Variants in ANO4 observed in about 807,000 individuals in gnomAD.
ANO4 encodes the protein anoctamin-4.
In ANO4, 69 loss-of-function variants were observed where a neutral mutation model predicts 141.9. That is an observed-to-expected ratio of 0.49 (90% CI 0.40 to 0.59). ANO4 has a LOEUF of 0.59. Among genes scored for constraint, ANO4 ranks in the 20% least tolerant of loss-of-function variants. ANO4 has a pLI of 0.00. For missense variants in ANO4, 894 were observed against 1,162.2 expected (o/e 0.77, Z 3.36); for synonymous variants, 350 against 394.3 (o/e 0.89, Z 1.33).
chr12:100,848,124 TG>T (rs2037670255), intron 1 of ANO4, among the ~76,000 whole-genome samples: 1 of 152,338 alleles, frequency 6.6e-6, no homozygotes, highest in East Asian at 1.9e-4. Context: ...AGATTTCATT[TG>T]TTTTTTTTCT....
chr12:100,909,878 C>T (rs750043512), intron 2 of ANO4, among the ~76,000 whole-genome samples: 12 of 152,042 alleles, frequency 7.9e-5, no homozygotes, highest in Non-Finnish European at 1.6e-4. Context: ...TAATACCTAC[C>T]TTATAGTATT....
chr12:100,800,929 C>T (rs75112059), intron 1 of ANO4, among the ~76,000 whole-genome samples: 11,065 of 152,304 alleles, frequency 0.073, 623 homozygotes, highest in South Asian at 0.2. Flanking sequence ...GCTATTTCCT[C>T]TTCTCTCTTC....
At chr12:100,744,183 A>G (rs541817043) in intron 3 of ANO4, among the ~76,000 whole-genome samples, 32 of 152,356 alleles carry the variant, frequency 2.1e-4, no homozygotes, top group African/African-American at 7.5e-4. Context: ...CAAAACTTAT[A>G]TATCCCGAAT....
At chr12:100,762,031 T>G (rs2032883319) in intron 3 of ANO4, among the ~76,000 whole-genome samples, 2 of 152,198 alleles carry the variant, frequency 1.3e-5, no homozygotes, top group Non-Finnish European at 2.9e-5. Context: ...CACAGAGGCT[T>G]TATTATTAAT....
intron 14 of ANO4, among the ~76,000 whole-genome samples, chr12:101,076,521 A>G (rs1166924389): frequency 6.6e-6 from 1 of 152,342 alleles, no homozygotes. Context: ...GGCAGGATTC[A>G]GCAGGAATAC....
Position 100,855,212 on chromosome 12 carries a change from T to C in ANO4, c.-140-46434T>C, listed in dbSNP as rs538265946. On this transcript the variant is annotated intron_variant, in intron 1 of 27. Coordinates refer to ENST00000392977, the MANE Select transcript of ANO4 (RefSeq NM_001286615.2). ...ATGCATCATTTAAGTGTGTTAGTAA[T>C]GTCATTTTGGTCCATCGTATCCTTT... Among the ~76,000 whole-genome samples the C allele has an allele frequency of 3.9e-5, 6 of 152,296 alleles. No homozygotes were observed. In the East Asian group the frequency reaches 1.2e-3, roughly 29 times the overall value.
At chr12:100,842,245 C>A (rs1157356813) in intron 1 of ANO4, 1 of 151,968 alleles carries the variant, frequency 6.6e-6, no homozygotes, top group Non-Finnish European at 1.5e-5. Flanking sequence ...TAGGTCAGTG[C>A]TACTCTTATA....
At chr12:100,822,046 C>T (rs1318083900) in intron 1 of ANO4, among the ~76,000 whole-genome samples, 1 of 151,896 alleles carries the variant, frequency 6.6e-6, no homozygotes, top group Non-Finnish European at 1.5e-5. Context: ...GTCCACAGCT[C>T]CCATCCTGAC....
rs563394796 is a variant in ANO4, at chr12:100,731,345, A to G, written c.23-2429A>G. 2.0e-3 allele frequency among the ~76,000 whole-genome samples: 309 copies of G among 152,260 alleles called. 1 individual carries two copies. Among genetic ancestry groups the G allele is most frequent in the African/African-American group, 7.1e-3 (296 of 41,564 alleles). On this transcript the variant is annotated intron_variant, in intron 1 of 29. Transcript: ENST00000644049. ...ATTGTAATATTTTAAAATCACTTAT[A>G]CCCTATGTTAATTTTTTTACAGCAG...
At chr12:101,033,748 A>G (rs566233608) in intron 9 of ANO4, among the ~76,000 whole-genome samples, 10 of 152,318 alleles carry the variant, frequency 6.6e-5, no homozygotes, top group African/African-American at 2.4e-4. Flanking sequence ...GCCATCTGAC[A>G]GAAATCGAAT....
At chr12:100,758,204 C>T (rs538585395) in intron 3 of ANO4, among the ~76,000 whole-genome samples, 7 of 152,148 alleles carry the variant, frequency 4.6e-5, no homozygotes, top group East Asian at 1.9e-4. Flanking sequence ...GTCACCTGCC[C>T]GCGGTCTTGG....
intron 7 of ANO4, among the ~76,000 whole-genome samples, chr12:100,985,014 GA>G (rs1415922669): frequency 6.6e-5 from 10 of 152,158 alleles, no homozygotes; most frequent in Admixed American, 5.2e-4. Context: ...GATTCTGTGG[GA>G]ATGTGAATTT....
intron 8 of ANO4, among the ~76,000 whole-genome samples, chr12:101,010,281 A>G (rs1368738191): frequency 6.6e-6 from 1 of 152,184 alleles, no homozygotes; most frequent in African/African-American, 2.4e-5. Context: ...TTTACTTGGA[A>G]GCTCAAGAGC....
intron 15 of ANO4, among the ~76,000 whole-genome samples, chr12:101,080,874 A>G: frequency 1.0e-5 from 1 of 99,102 alleles, no homozygotes; most frequent in East Asian, 6.8e-4. Context: ...AGATATATAT[A>G]TATATATATT....
chr12:101,111,736 CAG>C (rs755654678), intron 24 of ANO4, 26 bp downstream of exon 24: 2 of 1,550,134 alleles, frequency 1.3e-6, no homozygotes, highest in Admixed American at 4.0e-5. Context: ...AACCACTATA[CAG>C]TTTCTATTTC....
intron 3 of ANO4, among the ~76,000 whole-genome samples, chr12:100,745,572 C>T (rs1044381492): frequency 6.6e-6 from 1 of 151,960 alleles, no homozygotes; most frequent in African/African-American, 2.4e-5. Flanking sequence ...GAGAACTAGG[C>T]CTGGAAGATA....
At chr12:101,068,495 G>T in intron 14 of ANO4, 1 of 1,028,392 alleles carries the variant, frequency 9.7e-7, no homozygotes, top group Middle Eastern at 2.1e-4. Flanking sequence ...TCTCAGTAAA[G>T]ATCGCAACTT....
chr12:101,073,799 G>A (rs996515330), intron 14 of ANO4, among the ~76,000 whole-genome samples: 3 of 151,986 alleles, frequency 2.0e-5, no homozygotes, highest in South Asian at 2.1e-4. Flanking sequence ...CTAATATGTC[G>A]ACTAACGTTG....
chr12:100,881,204 C>T (rs1040269018), intron 1 of ANO4, among the ~76,000 whole-genome samples: 1 of 151,698 alleles, frequency 6.6e-6, no homozygotes, highest in African/African-American at 2.4e-5. Context: ...TTAATGGGTA[C>T]AGCACACCAA....
Sources: allele counts gnomAD v4.1 joint callset (sites outside exome capture counted in the v4.1 genomes callset), GRCh38; gene constraint gnomAD v4.1.1; transcripts MANE v1.5; gene names NCBI Gene and HGNC (gene_info 2026-07-23, HGNC 2026-07-21).